ART3: variants seen among roughly 807,000 people sequenced by gnomAD.
The protein encoded by ART3 is ecto-ADP-ribosyltransferase 3.
A neutral mutation model predicts 48.5 loss-of-function variants in ART3; 49 were observed. The observed-to-expected ratio is 1.01, with a 90% CI of 0.80 to 1.28. The LOEUF is 1.28. ART3 is among the 50% of genes most tolerant of loss of function. ART3 has a pLI of 0.00. For synonymous variants in ART3, 145 were observed against 157.2 expected (o/e 0.92, Z 0.58); for missense variants, 438 against 454.3 (o/e 0.96, Z 0.33).
chr4:76,045,710 T>C (rs1366189199), intron 1 of ART3, among the ~76,000 whole-genome samples: 51 of 152,020 alleles, frequency 3.4e-4, no homozygotes, highest in Admixed American at 3.3e-3. Flanking sequence ...GAAGGCTGTT[T>C]CTGCCTCTGG....
At chr4:76,045,042 G>A (rs1175531098) in intron 1 of ART3, among the ~76,000 whole-genome samples, 1 of 152,048 alleles carries the variant, frequency 6.6e-6, no homozygotes, top group African/African-American at 2.4e-5. Flanking sequence ...TCTAAGGCTC[G>A]GGTAAGTGCC....
intron 1 of ART3, among the ~76,000 whole-genome samples, chr4:76,049,532 CAG>C (rs1735832651): frequency 6.6e-6 from 1 of 151,882 alleles, no homozygotes; most frequent in Non-Finnish European, 1.5e-5. Flanking sequence ...TCCAAAGAGT[CAG>C]GGGTTGTTAG....
chr4:76,078,826 A>C (rs112310805), intron 2 of ART3, among the ~76,000 whole-genome samples: 2 of 152,174 alleles, frequency 1.3e-5, no homozygotes, highest in African/African-American at 4.8e-5. Flanking sequence ...CACGCCTGTA[A>C]TCCCAGCACT....
Position 76,040,528 on chromosome 4 carries a change from G to GCC in ART3, c.-10+29212_-10+29213dup, listed in dbSNP as rs544351583. On this transcript the variant is annotated intron_variant, in intron 1 of 9. Coordinates refer to the ART3 transcript ENST00000341029. ...CAGACTATATCAGGTTCTCCCCCCC[G>GCC]CCCCCTCCATGTGTCAGGGACTATA... 6.2e-3 allele frequency among the ~76,000 whole-genome samples: 292 copies of GCC among 47,252 alleles called. 4 individuals carry two copies. Among genetic ancestry groups the GCC allele is most frequent in the Middle Eastern group, 0.057 (5 of 88 alleles). 31.0% of individuals were successfully genotyped at this position (47,252 alleles called of 152,430 possible).
At chr4:76,016,154 C>T (rs540785987) in intron 1 of ART3, among the ~76,000 whole-genome samples, 2 of 152,212 alleles carry the variant, frequency 1.3e-5, no homozygotes, top group African/African-American at 4.8e-5. Flanking sequence ...GTTTTTTCTT[C>T]AGCACTTTAA....
In ART3 at chr4:76,075,894, AGAC is replaced by A; in HGVS notation, c.7_9del (p.Thr3del). On this transcript the variant is annotated inframe_deletion, in exon 2 of 12. Transcript: ENST00000355810. ...ATTTTAATTTAGAAGAGAAAAATGA[AGAC>A]GGGACATTTTGAAATAGTCACCATG... 1 of 1,612,364 alleles carries A rather than the reference AGAC, an allele frequency of 6.2e-7. No homozygotes were observed. Among genetic ancestry groups the A allele is most frequent in the Non-Finnish European group, 8.5e-7 (1 of 1,179,132 alleles).
At chr4:76,100,754 G>A (rs745345524) in intron 6 of ART3, 41 bp from the exon 7 acceptor site, 54 of 1,596,000 alleles carry the variant, frequency 3.4e-5, no homozygotes, top group Non-Finnish European at 4.5e-5. Context: ...CAATTCTTTT[G>A]TTCCTTCGTT....
At chr4:76,039,137 C>A (rs1322100179) in intron 1 of ART3, among the ~76,000 whole-genome samples, 1 of 142,832 alleles carries the variant, frequency 7.0e-6, no homozygotes, top group African/African-American at 2.6e-5. Context: ...TCTCTCTGTG[C>A]CACCCAGGCT....
intron 1 of ART3, among the ~76,000 whole-genome samples, chr4:76,016,041 T>C (rs575541941): frequency 9.8e-5 from 15 of 152,358 alleles, no homozygotes; most frequent in African/African-American, 3.4e-4. Flanking sequence ...TTGATTTTGG[T>C]ATCAGGGTAA....
intron 1 of ART3, among the ~76,000 whole-genome samples, chr4:76,068,264 G>A (rs913127401): frequency 6.6e-6 from 1 of 152,104 alleles, no homozygotes; most frequent in Non-Finnish European, 1.5e-5. Context: ...CTACAATCAT[G>A]ATATAAAACA....
At chr4:76,064,223 C>A (rs1719495894) in intron 1 of ART3, among the ~76,000 whole-genome samples, 1 of 152,030 alleles carries the variant, frequency 6.6e-6, no homozygotes, top group Non-Finnish European at 1.5e-5. Context: ...ATTAGGTACA[C>A]GATGGAGACA....
Position 76,112,511 on chromosome 4 carries a change from G to A in ART3, c.1162G>A (p.Ala388Thr). The A allele has an allele frequency of 6.2e-7, 1 of 1,612,144 alleles. No individual in the cohort carries two copies. Among genetic ancestry groups the A allele is most frequent in the Non-Finnish European group, 8.5e-7 (1 of 1,179,160 alleles). Residue 388 changes from alanine to threonine, a missense_variant, in exon 12 of 12, where the codon GCT becomes ACT. Physicochemically the swap from Ala to Thr is moderately conservative, Grantham distance 58. Coordinates refer to ENST00000355810, the MANE Select transcript of ART3 (RefSeq NM_001130016.3). The stretch of plus-strand genomic sequence containing the variant: ...TGTTTCTGCTATAAATCTCTTTGTT[G>A]CTCTGTAGTTTGATGCATTGTTTAT... Reference protein sequence around the residue: ...ISVSAINLFVAL With the variant: ...ISVSAINLFVTL
At chr4:76,056,615 A>G (rs4547819) in intron 1 of ART3, among the ~76,000 whole-genome samples, 89,035 of 151,934 alleles carry the variant, frequency 0.59, 26,943 homozygotes, top group East Asian at 0.94. Flanking sequence ...AGTGTGTGTG[A>G]AGAGACCAGG....
chr4:76,075,699 T>C (rs967242683), intron 1 of ART3, among the ~76,000 whole-genome samples, 182 bp from the exon 2 acceptor site: 1 of 152,138 alleles, frequency 6.6e-6, no homozygotes, highest in African/African-American at 2.4e-5. Context: ...ATGAGAGCAT[T>C]AGACCACTAG....
At chr4:76,014,040 G>A (rs1732039393) in intron 1 of ART3, among the ~76,000 whole-genome samples, 1 of 151,948 alleles carries the variant, frequency 6.6e-6, no homozygotes, top group Non-Finnish European at 1.5e-5. Context: ...TTTCCATTTT[G>A]TTAAATTAAT....
intron 1 of ART3, among the ~76,000 whole-genome samples, chr4:76,043,976 T>G (rs1373790308): frequency 6.6e-6 from 1 of 151,954 alleles, no homozygotes; most frequent in African/African-American, 2.4e-5. Flanking sequence ...AGAGGGGAAC[T>G]CTCTAGGCCA....
chr4:76,043,044 C>G (rs886970180), intron 1 of ART3, among the ~76,000 whole-genome samples: 3 of 151,830 alleles, frequency 2.0e-5, no homozygotes, highest in Non-Finnish European at 2.9e-5. Flanking sequence ...CGGGGCCCCA[C>G]CAGAATAGCT....
At chr4:76,103,455 C>A (rs1211135832) in intron 8 of ART3, among the ~76,000 whole-genome samples, 1 of 151,854 alleles carries the variant, frequency 6.6e-6, no homozygotes, top group East Asian at 1.9e-4. Flanking sequence ...TACCTTTTTT[C>A]GCTCCGTGCA....
intron 1 of ART3, among the ~76,000 whole-genome samples, chr4:76,018,516 C>A (rs1048539358): frequency 6.6e-6 from 1 of 152,088 alleles, no homozygotes; most frequent in African/African-American, 2.4e-5. Flanking sequence ...ATGAAATAAT[C>A]TATACACCAT....
Sources: gnomAD v4.1 joint callset for allele counts (sites outside exome capture counted in the v4.1 genomes callset) on GRCh38, gnomAD v4.1.1 for gene constraint, MANE v1.5 for transcripts, NCBI Gene and HGNC (gene_info 2026-07-23, HGNC 2026-07-21) for gene names.